Variants in ATP6V0D2 observed in about 807,000 individuals in gnomAD.
ATP6V0D2 encodes the protein ATPase H+ transporting V0 subunit d2, also known as V-type proton ATPase subunit d 2.
A neutral mutation model predicts 40.0 loss-of-function variants in ATP6V0D2; 40 were observed. The observed-to-expected ratio is 1.00, with a 90% confidence interval of 0.78 to 1.30. The LOEUF (loss-of-function observed/expected upper bound fraction) is 1.30. ATP6V0D2 is among the 50% of genes most tolerant of loss of function. ATP6V0D2 has a pLI of 0.00. For synonymous variants in ATP6V0D2, 179 were observed against 156.3 expected (o/e 1.15, Z -1.08); for missense variants, 470 against 423.1 (o/e 1.11, Z -0.97).
chr8:86,101,200 T>C (rs1295190654), intron 1 of ATP6V0D2, among the ~76,000 whole-genome samples: 6 of 150,312 alleles, frequency 4.0e-5, no homozygotes. Context: ...GGCTCATGCC[T>C]GTAATCCTAG....
Position 86,141,467 on chromosome 8 carries a change from T to G in ATP6V0D2, c.499T>G (p.Cys167Gly), listed in dbSNP as rs202091383. The G allele has an allele frequency of 1.6e-4, 264 of 1,611,100 alleles. 1 individual carries two copies. The highest frequency in any genetic ancestry group is 2.0e-4 in the Non-Finnish European group (240 of 1,178,388). The change falls in exon 4 of 8, where the codon TGC becomes GGC. Residue 167 changes from cysteine to glycine, a missense_variant. Transcript: ENST00000285393. ...GCTTTCAGCTCCATTCTTCCAAGAC[T>G]GCATGTCTGAAAATGCTCTAGATGA... ...ETPLAPFFQD[C>G]MSENALDELN...
chr8:86,101,105 C>G (rs1038631668), intron 1 of ATP6V0D2, among the ~76,000 whole-genome samples: 1 of 150,684 alleles, frequency 6.6e-6, no homozygotes, highest in African/African-American at 2.4e-5. Context: ...TGAGATCATG[C>G]CACTGCACTC....
chr8:86,119,146 T>G (rs1818634598), intron 2 of ATP6V0D2, among the ~76,000 whole-genome samples: 1 of 152,056 alleles, frequency 6.6e-6, no homozygotes, highest in South Asian at 2.1e-4. Flanking sequence ...GGAAATGCTC[T>G]AGTTCTAAAA....
chr8:86,148,544 T>C (rs1244000337), intron 5 of ATP6V0D2, among the ~76,000 whole-genome samples: 1 of 152,202 alleles, frequency 6.6e-6, no homozygotes, highest in Non-Finnish European at 1.5e-5. Flanking sequence ...ATAGATAGCC[T>C]GGGAATCCTA....
intron 5 of ATP6V0D2, among the ~76,000 whole-genome samples, chr8:86,143,946 C>T (rs955192631): frequency 6.6e-6 from 1 of 152,172 alleles, no homozygotes; most frequent in Non-Finnish European, 1.5e-5. Context: ...GCTTCATCCA[C>T]AGGGACATTG....
chr8:86,149,498 C>A (rs544137723), intron 5 of ATP6V0D2, among the ~76,000 whole-genome samples: 1 of 152,066 alleles, frequency 6.6e-6, no homozygotes, highest in Admixed American at 6.6e-5. Context: ...AAACTTCTTG[C>A]GAGAAAGATG....
intron 5 of ATP6V0D2, 73 bp from the exon 6 acceptor site, chr8:86,150,039 G>T (rs1819121899): frequency 7.5e-7 from 1 of 1,330,950 alleles, no homozygotes; most frequent in East Asian, 2.3e-5. Flanking sequence ...AGAAATGAAT[G>T]TGTGCACTTA....
At chr8:86,116,654 C>T (rs1047026641) in intron 2 of ATP6V0D2, among the ~76,000 whole-genome samples, 4 of 151,968 alleles carry the variant, frequency 2.6e-5, no homozygotes, top group South Asian at 4.1e-4. Context: ...CGAGATTAGA[C>T]GAGATCAGGC....
chr8:86,116,165 T>G (rs1563557591), intron 2 of ATP6V0D2, among the ~76,000 whole-genome samples: 1 of 152,200 alleles, frequency 6.6e-6, no homozygotes, highest in Non-Finnish European at 1.5e-5. Flanking sequence ...GTGTCTACAT[T>G]TCCTCTTCTT....
chr8:86,105,575 G>T (rs920334575), intron 1 of ATP6V0D2, among the ~76,000 whole-genome samples: 1 of 151,266 alleles, frequency 6.6e-6, no homozygotes, highest in Admixed American at 6.6e-5. Flanking sequence ...TGAGATTACC[G>T]GTGTAAGCCA....
intron 4 of ATP6V0D2, among the ~76,000 whole-genome samples, chr8:86,142,425 T>A (rs1353206087): frequency 2.0e-5 from 3 of 152,142 alleles, no homozygotes; most frequent in Non-Finnish European, 4.4e-5. Context: ...CGTATTAGAG[T>A]TGGGATCCAA....
At chr8:86,145,553 C>T (rs1586104108) in intron 5 of ATP6V0D2, among the ~76,000 whole-genome samples, 1 of 151,956 alleles carries the variant, frequency 6.6e-6, no homozygotes, top group African/African-American at 2.4e-5. Context: ...AAGTGGATAT[C>T]GAATAAATAA....
intron 1 of ATP6V0D2, among the ~76,000 whole-genome samples, chr8:86,101,878 A>G (rs1444391933): frequency 1.3e-5 from 2 of 152,160 alleles, no homozygotes; most frequent in African/African-American, 4.8e-5. Context: ...CCAATTCTCA[A>G]CTACATTTGA....
intron 2 of ATP6V0D2, among the ~76,000 whole-genome samples, chr8:86,136,692 T>G (rs1232177409): frequency 6.6e-6 from 1 of 152,140 alleles, no homozygotes; most frequent in Non-Finnish European, 1.5e-5. Flanking sequence ...GGGGTTAAGC[T>G]CTAGAAGTTC....
At chr8:86,121,181 A>C (rs1490781752) in intron 2 of ATP6V0D2, among the ~76,000 whole-genome samples, 1 of 152,206 alleles carries the variant, frequency 6.6e-6, no homozygotes, top group African/African-American at 2.4e-5. Context: ...ATCTCCATCC[A>C]TGATCTGTCC....
chr8:86,103,974 C>A (rs1350156458), intron 1 of ATP6V0D2, among the ~76,000 whole-genome samples: 1 of 151,994 alleles, frequency 6.6e-6, no homozygotes, highest in Non-Finnish European at 1.5e-5. Context: ...TACAGGCGTG[C>A]ACCACCATGC....
At chr8:86,130,668 T>C (rs1818811758) in intron 2 of ATP6V0D2, among the ~76,000 whole-genome samples, 1 of 152,084 alleles carries the variant, frequency 6.6e-6, no homozygotes. Context: ...GAGGGGTGTT[T>C]ACACTCATCA....
At chr8:86,149,191 G>A (rs1819111316) in intron 5 of ATP6V0D2, among the ~76,000 whole-genome samples, 1 of 151,580 alleles carries the variant, frequency 6.6e-6, no homozygotes, top group Non-Finnish European at 1.5e-5. Context: ...ACCTAGAGAA[G>A]AGCTGCGTAG....
intron 5 of ATP6V0D2, among the ~76,000 whole-genome samples, chr8:86,147,859 C>T (rs1442994334): frequency 1.3e-5 from 2 of 152,114 alleles, no homozygotes; most frequent in Non-Finnish European, 2.9e-5. Context: ...GTTACAAGGA[C>T]AAGGAGGTAG....
Sources: allele counts gnomAD v4.1 joint callset (sites outside exome capture counted in the v4.1 genomes callset), GRCh38; gene constraint gnomAD v4.1.1; transcripts MANE v1.5; gene names NCBI Gene and HGNC (gene_info 2026-07-23, HGNC 2026-07-21).